Variants in ACADM observed in about 807,000 individuals in gnomAD.
The protein encoded by ACADM is medium-chain specific acyl-CoA dehydrogenase, mitochondrial.
ACADM carries 49 observed loss-of-function variants against 58.9 expected under a neutral mutation model. The ratio of observed to expected loss-of-function variants is 0.83; its 90% CI spans 0.66 to 1.06. The LOEUF (loss-of-function observed/expected upper bound fraction) is 1.06. ACADM is among the 50% of genes least tolerant of loss of function. The probability of loss-of-function intolerance (pLI) is 0.00; values close to 1 mark genes in which losing one functional copy is unlikely to be tolerated. For synonymous variants in ACADM, 160 were observed against 157.7 expected, an observed-to-expected ratio of 1.01 and a Z score of -0.11; for missense variants, 496 against 507.0, an observed-to-expected ratio of 0.98 and a Z score of 0.21.
intron 10 of ACADM, chr1:75,755,205 C>T (rs1330891252): frequency 1.3e-5 from 2 of 152,340 alleles, no homozygotes; most frequent in Non-Finnish European, 2.9e-5. Flanking sequence ...GAACAAAAGG[C>T]AGCAGAAACT....
chr1:75,728,346 T>G (rs1557440824), intron 1 of ACADM, 55 bp from the exon 2 acceptor site: 1 of 1,435,140 alleles, frequency 7.0e-7, no homozygotes, highest in Non-Finnish European at 9.7e-7. Flanking sequence ...AGTAGTCTCT[T>G]ATCTGATTAA....
intron 11 of ACADM, 29 bp downstream of exon 11, chr1:75,761,399 G>A (rs1648849721): frequency 6.2e-7 from 1 of 1,611,096 alleles, no homozygotes; most frequent in Non-Finnish European, 8.5e-7. Context: ...TTTTTGGTTT[G>A]CAAGGAGAGA....
chr1:75,735,493 T>A (rs531814454), intron 6 of ACADM, among the ~76,000 whole-genome samples: 47 of 152,238 alleles, frequency 3.1e-4, no homozygotes, highest in African/African-American at 1.1e-3. Context: ...TGAGTCATTG[T>A]GTCAGGAAGT....
intron 10 of ACADM, among the ~76,000 whole-genome samples, chr1:75,757,417 A>G (rs949783844): frequency 6.6e-6 from 1 of 152,238 alleles, no homozygotes. Context: ...ACACTTCTCA[A>G]AAGAAGACAT....
In ACADM at chr1:75,752,241, C is replaced by G. The variant is rs139993100; in HGVS notation, c.945+1695C>G. Among the ~76,000 whole-genome samples the G allele has an allele frequency of 6.6e-5, 10 of 152,260 alleles. No individual in the cohort carries two copies. In the East Asian group the frequency reaches 1.9e-3, roughly 29 times the overall value. Reference sequence around the variant, plus strand: ...AAGCAATCTTTCCACCTCAGCCCCCCATGAGCCTCCTATTCCTATCTCCAT... The same window carrying G: ...AAGCAATCTTTCCACCTCAGCCCCCGATGAGCCTCCTATTCCTATCTCCAT... On this transcript the variant is annotated intron_variant, in intron 10 of 11. Coordinates refer to ENST00000370841, the MANE Select transcript of ACADM (RefSeq NM_000016.6).
chr1:75,745,200 A>G (rs1373325398), intron 7 of ACADM, among the ~76,000 whole-genome samples: 2 of 152,206 alleles, frequency 1.3e-5, no homozygotes, highest in Admixed American at 1.3e-4. Context: ...AGTTATGTAA[A>G]TGTAGGCCAG....
Position 75,728,438 on chromosome 1 carries a change from A to G in ACADM, c.68A>G (p.Gln23Arg). 6.2e-7 allele frequency: 1 copy of G among 1,613,690 alleles called. No individual in the cohort carries two copies. Among genetic ancestry groups the G allele is most frequent in the Non-Finnish European group, 8.5e-7 (1 of 1,179,726 alleles). ...ATTTCTCGTTTTCATTGGAGATCAC[A>G]GCATACAAAAGCCAATCGACAACGT... ...RSISRFHWRS[Q>R]HTKANRQREP... Residue 23 changes from glutamine (Q) to arginine (R), a missense_variant, in exon 2 of 12, where the codon CAG (glutamine) becomes CGG (arginine). By Grantham distance (43) the Gln-to-Arg change is conservative (BLOSUM62 1). Coordinates refer to ENST00000370841, the MANE Select transcript of ACADM (RefSeq NM_000016.6).
At chr1:75,737,805 T>A (rs1026696495) in intron 6 of ACADM, among the ~76,000 whole-genome samples, 14 of 152,150 alleles carry the variant, frequency 9.2e-5, no homozygotes, top group African/African-American at 3.1e-4. Context: ...TTTTTTTTTT[T>A]ATAATTTTAC....
intron 8 of ACADM, among the ~76,000 whole-genome samples, chr1:75,748,894 AAC>A (rs981535587): frequency 7.9e-6 from 1 of 126,524 alleles, no homozygotes; most frequent in Non-Finnish European, 1.7e-5. Context: ...ACCTAATTTT[AAC>A]AGAGTCAAAG....
chr1:75,761,156 C>T lies in ACADM; in HGVS notation c.980C>T (p.Ala327Val). 1.2e-6 allele frequency: 2 copies of T among 1,613,964 alleles called. No individual in the cohort carries two copies. The highest frequency in any genetic ancestry group is 1.7e-6 in the Non-Finnish European group (2 of 1,179,866). The change falls in exon 11 of 12, where the codon GCA (alanine) becomes GTA (valine). Residue 327 changes from alanine (A) to valine (V), a missense_variant. Ala to Val is a moderately conservative substitution (Grantham distance 64). Coordinates refer to ENST00000370841, the MANE Select transcript of ACADM (RefSeq NM_000016.6). ...QAISFMLAEMAMKVELARMSY... is the reference protein window; with the variant it reads ...QAISFMLAEMVMKVELARMSY... ...ATATCATTTATGCTGGCTGAAATGG[C>T]AATGAAAGTTGAACTAGCTAGAATG...
chr1:75,751,532 T>C (rs988080432), intron 10 of ACADM, among the ~76,000 whole-genome samples: 1 of 151,018 alleles, frequency 6.6e-6, no homozygotes, highest in African/African-American at 2.4e-5. Context: ...AAAGTCTTGC[T>C]CTGTCGTCCA....
At chr1:75,742,138 T>G (rs1414343596) in intron 7 of ACADM, among the ~76,000 whole-genome samples, 1 of 149,766 alleles carries the variant, frequency 6.7e-6, no homozygotes, top group South Asian at 2.1e-4. Context: ...CAGTATTGGC[T>G]CCCACCCCTT....
At chr1:75,739,837 T>G (rs1377706114) in intron 6 of ACADM, 143 bp from the exon 7 acceptor site, 19 of 612,976 alleles carry the variant, frequency 3.1e-5, no homozygotes, top group Non-Finnish European at 4.6e-5. Flanking sequence ...GAGTGGTTTC[T>G]TTGATTTTGT....
intron 10 of ACADM, among the ~76,000 whole-genome samples, chr1:75,751,957 C>G (rs1203832805): frequency 6.6e-6 from 1 of 151,300 alleles, no homozygotes; most frequent in African/African-American, 2.4e-5. Flanking sequence ...TTCTTTCCTG[C>G]AACTCACTAT....
At chr1:75,724,980 C>G (rs923709385) in intron 1 of ACADM, among the ~76,000 whole-genome samples, 163 bp downstream of exon 1, 1 of 152,198 alleles carries the variant, frequency 6.6e-6, no homozygotes, top group African/African-American at 2.4e-5. Flanking sequence ...CCTCCTACCA[C>G]CGGACGGAAC....
At chr1:75,757,859 C>A (rs1206195734) in intron 10 of ACADM, among the ~76,000 whole-genome samples, 2 of 152,158 alleles carry the variant, frequency 1.3e-5, no homozygotes, top group Non-Finnish European at 2.9e-5. Flanking sequence ...CATCAGATCC[C>A]ACAGGCTTAG....
rs758760555 is a variant in ACADM, at chr1:75,733,632, A to G, written c.387+4A>G. The G allele has an allele frequency of 1.2e-6, 2 of 1,607,770 alleles. No homozygotes were observed. The highest frequency in any genetic ancestry group is 2.2e-5 in the East Asian group (1 of 44,798). ...TATTGAAGGAAATTCTTTGGGGGTA[A>G]GTGACTTAGAAAATTAACTACCTAA... On this transcript the variant is annotated splice_donor_region_variant and intron_variant, in intron 5 of 11. Coordinates refer to ENST00000370841, the MANE Select transcript of ACADM (RefSeq NM_000016.6).
At chr1:75,756,756 A>G (rs1046354802) in intron 10 of ACADM, among the ~76,000 whole-genome samples, 2 of 152,212 alleles carry the variant, frequency 1.3e-5, no homozygotes, top group South Asian at 2.1e-4. Flanking sequence ...TGCCCAGACA[A>G]TCCTAAGCCA....
intron 5 of ACADM, among the ~76,000 whole-genome samples, chr1:75,734,309 G>A (rs60550898): frequency 0.27 from 39,792 of 149,114 alleles, 5,555 homozygotes; most frequent in Middle Eastern, 0.37. Flanking sequence ...GACTACAGGC[G>A]CCCGCCACCA....
Sources: allele counts gnomAD v4.1 joint callset (sites outside exome capture counted in the v4.1 genomes callset), GRCh38; gene constraint gnomAD v4.1.1; transcripts MANE v1.5; gene names NCBI Gene and HGNC (gene_info 2026-07-23, HGNC 2026-07-21).